Variants in ABTB3 observed in about 807,000 individuals in gnomAD.
The protein encoded by ABTB3 is ankyrin repeat and BTB domain containing 3, also known as ankyrin repeat- and BTB/POZ domain-containing protein 3.
At chr12:107,482,472 G>A in the ABTB3 span, among the ~76,000 whole-genome samples, 3 of 152,154 alleles carry the variant, frequency 2.0e-5, no homozygotes, top group Admixed American at 2.0e-4. Context: ...ATAGGAGCAG[G>A]TGACTTGGAT....
At chr12:107,645,033 C>T in the ABTB3 span, among the ~76,000 whole-genome samples, 3 of 144,454 alleles carry the variant, frequency 2.1e-5, no homozygotes, top group Non-Finnish European at 3.0e-5. Context: ...AGTGCAATGG[C>T]GCAATCTCGG....
chr12:107,508,448 T>G, the ABTB3 span, among the ~76,000 whole-genome samples: 27 of 117,346 alleles, frequency 2.3e-4, 1 homozygote, highest in African/African-American at 6.8e-4. Flanking sequence ...CTTTTTTTTT[T>G]TTTTTTTTTT....
chr12:107,455,425 G>A, the ABTB3 span, among the ~76,000 whole-genome samples: 1 of 150,998 alleles, frequency 6.6e-6, no homozygotes, highest in Non-Finnish European at 1.5e-5. Context: ...ACAAGATCTG[G>A]TTGTGATGGG....
At chr12:107,614,919 T>C in the ABTB3 span, 1 of 651,780 alleles carries the variant, frequency 1.5e-6, no homozygotes, top group Non-Finnish European at 2.7e-6. Flanking sequence ...CCCTGCCCTG[T>C]ATCACCAGCT....
At chr12:107,656,807 C>T in the ABTB3 span, among the ~76,000 whole-genome samples, 1 of 152,172 alleles carries the variant, frequency 6.6e-6, no homozygotes, top group Admixed American at 6.5e-5. Context: ...CCTCAGTTTC[C>T]CCACCTGTAC....
chr12:107,429,226 G>A, the ABTB3 span, among the ~76,000 whole-genome samples: 1 of 152,164 alleles, frequency 6.6e-6, no homozygotes. Flanking sequence ...TCCAGCTTGG[G>A]CAGAGCCTGC....
chr12:107,529,529 G>A, the ABTB3 span, among the ~76,000 whole-genome samples: 1 of 152,312 alleles, frequency 6.6e-6, no homozygotes, highest in East Asian at 1.9e-4. Flanking sequence ...TTCTTATTAA[G>A]TGCTTACAAT....
At chr12:107,473,118 T>C in the ABTB3 span, among the ~76,000 whole-genome samples, 1 of 152,184 alleles carries the variant, frequency 6.6e-6, no homozygotes, top group African/African-American at 2.4e-5. Flanking sequence ...CCTTTTTCTC[T>C]TTTCATTCGT....
chr12:107,426,935 T>C, the ABTB3 span, among the ~76,000 whole-genome samples: 1 of 152,088 alleles, frequency 6.6e-6, no homozygotes, highest in Non-Finnish European at 1.5e-5. Context: ...CCCCTTATTC[T>C]CCTGCTTTTT....
the ABTB3 span, among the ~76,000 whole-genome samples, chr12:107,647,433 A>G: frequency 6.6e-6 from 1 of 152,220 alleles, no homozygotes; most frequent in African/African-American, 2.4e-5. Flanking sequence ...TGAGACCAGA[A>G]GTTTGAGGTT....
At chr12:107,394,830 T>C in the ABTB3 span, among the ~76,000 whole-genome samples, 3 of 152,188 alleles carry the variant, frequency 2.0e-5, no homozygotes, top group African/African-American at 7.2e-5. Context: ...AAAACATTGT[T>C]CTCTCTGCAA....
At chr12:107,530,547 A>T in the ABTB3 span, among the ~76,000 whole-genome samples, 38 of 152,294 alleles carry the variant, frequency 2.5e-4, no homozygotes, top group African/African-American at 8.2e-4. Flanking sequence ...TCTCCCTGGT[A>T]TTTACTTAGT....
At chr12:107,329,374 G>A in the ABTB3 span, among the ~76,000 whole-genome samples, 3 of 152,132 alleles carry the variant, frequency 2.0e-5, no homozygotes, top group South Asian at 2.1e-4. Context: ...TAATGGTAGC[G>A]CTCCCTCATA....
chr12:107,554,051 G>T, the ABTB3 span, among the ~76,000 whole-genome samples: 1 of 152,192 alleles, frequency 6.6e-6, no homozygotes. Context: ...GATGGTAACG[G>T]AGAGTACTGA....
the ABTB3 span, among the ~76,000 whole-genome samples, chr12:107,373,808 A>G: frequency 1.3e-4 from 20 of 152,268 alleles, no homozygotes; most frequent in East Asian, 3.5e-3. Context: ...ATGGCCCCGT[A>G]ACTCAGCATC....
the ABTB3 span, among the ~76,000 whole-genome samples, chr12:107,453,408 T>C: frequency 1.5e-4 from 23 of 152,248 alleles, no homozygotes; most frequent in East Asian, 4.4e-3. Context: ...GACCTCATAA[T>C]TGGGATTCGT....
chr12:107,378,751 C>T, the ABTB3 span, among the ~76,000 whole-genome samples: 1 of 152,172 alleles, frequency 6.6e-6, no homozygotes, highest in Non-Finnish European at 1.5e-5. Flanking sequence ...TGTGCTGGCT[C>T]CCTCTGTCTT....
At chr12:107,505,636 A>G in the ABTB3 span, among the ~76,000 whole-genome samples, 8 of 151,544 alleles carry the variant, frequency 5.3e-5, no homozygotes. Context: ...TCATCCAGGT[A>G]TTAAGCCTAG....
chr12:107,649,389 C>A, the ABTB3 span: 1 of 976,726 alleles, frequency 1.0e-6, no homozygotes, highest in South Asian at 1.3e-5. Context: ...GTTGGGTTTT[C>A]ATTTGGATGA....
Sources: gnomAD v4.1 joint callset for allele counts (sites outside exome capture counted in the v4.1 genomes callset) on GRCh38, gnomAD v4.1.1 for gene constraint, MANE v1.5 for transcripts, NCBI Gene and HGNC (gene_info 2026-07-23, HGNC 2026-07-21) for gene names.